The following LRRC8C variants were observed in gnomAD, a reference collection of about 807,000 sequenced individuals.
LRRC8C encodes volume-regulated anion channel subunit LRRC8C.
LRRC8C carries 20 observed loss-of-function variants against 55.3 expected under a neutral mutation model. The observed-to-expected ratio is 0.36, with a 90% CI of 0.25 to 0.53. The LOEUF (loss-of-function observed/expected upper bound fraction) is 0.53. LRRC8C is among the 20% of genes least tolerant of loss of function. The pLI, the probability that LRRC8C is intolerant of heterozygous loss-of-function variation, is 0.92. For synonymous variants in LRRC8C, 376 were observed against 360.7 expected, an observed-to-expected ratio of 1.04 and a Z score of -0.48; for missense variants, 659 against 951.4, an observed-to-expected ratio of 0.69 and a Z score of 4.04.
At chr1:89,628,749 CT>C (rs2101160780), upstream of LRRC8C, among the ~76,000 whole-genome samples, 1 of 152,310 alleles carries the variant, frequency 6.6e-6, no homozygotes, top group Admixed American at 6.5e-5. Context: ...GTCTTAATTT[CT>C]TTATGGCCAG....
chr1:89,648,866 A>T (rs1350895827), intron 1 of LRRC8C, among the ~76,000 whole-genome samples: 2 of 152,186 alleles, frequency 1.3e-5, no homozygotes, highest in Non-Finnish European at 2.9e-5. Flanking sequence ...AACTTCTTTC[A>T]CTTAGCATAT....
Position 89,707,934 on chromosome 1 carries a change from C to T in LRRC8C, c.139-4775C>T, listed in dbSNP as rs141435477. Among the ~76,000 whole-genome samples, 276 of 152,118 alleles carry T rather than the reference C, an allele frequency of 1.8e-3. 5 individuals carry two copies. Among genetic ancestry groups the T allele is most frequent in the African/African-American group, 6.2e-3 (257 of 41,426 alleles). ...CTCAGTGTCTCATTCTTCTGTGTCC[C>T]TCTCCTCCTCCTTCACTTAGACATT... On this transcript the variant is annotated intron_variant, in intron 2 of 2. Coordinates refer to ENST00000370454, the MANE Select transcript of LRRC8C (RefSeq NM_032270.5).
intron 1 of LRRC8C, among the ~76,000 whole-genome samples, chr1:89,685,575 C>A (rs1657856079): frequency 6.6e-6 from 1 of 152,064 alleles, no homozygotes; most frequent in South Asian, 2.1e-4. Flanking sequence ...TTTCTCCTCA[C>A]AGTAGCAGGA....
chr1:89,621,795 G>C, the LRRC8C span, among the ~76,000 whole-genome samples: 1 of 152,146 alleles, frequency 6.6e-6, no homozygotes, highest in African/African-American at 2.4e-5. Flanking sequence ...ATTTGTTTTA[G>C]GTTACTAAAT....
chr1:89,654,021 G>A (rs551893442), intron 1 of LRRC8C, among the ~76,000 whole-genome samples: 4 of 152,174 alleles, frequency 2.6e-5, no homozygotes, highest in East Asian at 1.9e-4. Context: ...AGAAAATGTG[G>A]TATATATACA....
At chr1:89,661,842 G>T (rs1423507942) in intron 1 of LRRC8C, among the ~76,000 whole-genome samples, 1 of 151,968 alleles carries the variant, frequency 6.6e-6, no homozygotes, top group Non-Finnish European at 1.5e-5. Flanking sequence ...TGGCTTTGCA[G>T]TATTATCTAA....
At chr1:89,631,628 T>G (rs1009180442), upstream of LRRC8C, 6 of 152,166 alleles carry the variant, frequency 3.9e-5, no homozygotes, top group African/African-American at 1.2e-4. Flanking sequence ...CTGCTAAAGT[T>G]AGCCTTTGCC....
the LRRC8C span, among the ~76,000 whole-genome samples, chr1:89,620,887 C>A: frequency 8.5e-5 from 13 of 152,206 alleles, no homozygotes; most frequent in Non-Finnish European, 1.6e-4. Flanking sequence ...AAAAGTTTTT[C>A]AGCAAAGACC....
intron 1 of LRRC8C, among the ~76,000 whole-genome samples, chr1:89,664,935 C>T (rs1657217133): frequency 6.6e-6 from 1 of 152,092 alleles, no homozygotes; most frequent in Non-Finnish European, 1.5e-5. Context: ...CATGATTTGG[C>T]TGTTTGTCTA....
chr1:89,704,871 C>T (rs1169516674), intron 2 of LRRC8C, among the ~76,000 whole-genome samples: 1 of 152,010 alleles, frequency 6.6e-6, no homozygotes, highest in Non-Finnish European at 1.5e-5. Flanking sequence ...GTGGCGATTC[C>T]TCAGGGATCT....
chr1:89,693,527 T>C (rs541534377), intron 2 of LRRC8C, among the ~76,000 whole-genome samples: 130 of 152,226 alleles, frequency 8.5e-4, no homozygotes, highest in African/African-American at 3.1e-3. Context: ...GCCCAGAAAT[T>C]CTTACTTAGA....
intron 1 of LRRC8C, among the ~76,000 whole-genome samples, chr1:89,650,256 T>G (rs1315390378): frequency 6.6e-6 from 1 of 152,172 alleles, no homozygotes; most frequent in African/African-American, 2.4e-5. Context: ...ACATGACTCT[T>G]AAATATAGAA....
chr1:89,657,523 A>G (rs1203397694), intron 1 of LRRC8C, among the ~76,000 whole-genome samples: 2 of 151,990 alleles, frequency 1.3e-5, no homozygotes, highest in African/African-American at 2.4e-5. Context: ...CAGGCAGATC[A>G]TGAGGTCAGG....
intron 1 of LRRC8C, among the ~76,000 whole-genome samples, chr1:89,672,852 T>TTTTAGAAACCTAAATG (rs1657459300): frequency 6.6e-6 from 1 of 152,130 alleles, no homozygotes; most frequent in Non-Finnish European, 1.5e-5. Flanking sequence ...TTACCTAATG[T>TTTTAGAAACCTAAATG]TTTAGGTTTC....
chr1:89,654,956 C>G (rs1387808580), intron 1 of LRRC8C, among the ~76,000 whole-genome samples: 1 of 145,758 alleles, frequency 6.9e-6, no homozygotes, highest in Non-Finnish European at 1.5e-5. Context: ...GATCCTCCTT[C>G]TTCAGCCTCT....
intron 1 of LRRC8C, among the ~76,000 whole-genome samples, chr1:89,677,271 A>G (rs1001853446): frequency 6.6e-6 from 1 of 152,212 alleles, no homozygotes; most frequent in East Asian, 1.9e-4. Flanking sequence ...TGAACATACA[A>G]TATCATGGAG....
In LRRC8C at chr1:89,713,940, T is replaced by C. The variant is rs1273545660; in HGVS notation, c.1370T>C (p.Val457Ala). 3 of 1,613,820 alleles carry C rather than the reference T, an allele frequency of 1.9e-6. No homozygotes were observed. In the African/African-American group the frequency reaches 4.0e-5, roughly 22 times the overall value. Residue 457 changes from valine (V) to alanine (A), a missense_variant, in exon 3 of 3, where the codon GTA (valine) becomes GCA (alanine). Coordinates refer to ENST00000370454, the MANE Select transcript of LRRC8C (RefSeq NM_032270.5). The surrounding 1 kb of genome is among the most constrained non-coding windows in gnomAD (Gnocchi z 5.2). ...QSLKLEIIKN[V>A]MIPATIAQLD... ...CTAAAACTTGAAATCATTAAGAACG[T>C]AATGATACCAGCCACCATTGCACAG...
chr1:89,618,360 C>A, the LRRC8C span, among the ~76,000 whole-genome samples: 1 of 152,194 alleles, frequency 6.6e-6, no homozygotes, highest in East Asian at 1.9e-4. Flanking sequence ...GATTTACAAA[C>A]CATGCAGGAT....
At chr1:89,642,889 G>A (rs983711988) in intron 1 of LRRC8C, among the ~76,000 whole-genome samples, 2 of 150,688 alleles carry the variant, frequency 1.3e-5, no homozygotes, top group African/African-American at 4.9e-5. Context: ...GTGTTGGTGC[G>A]CACCTGTAAT....
Sources: gnomAD v4.1 joint callset for allele counts (sites outside exome capture counted in the v4.1 genomes callset) on GRCh38, gnomAD v4.1.1 for gene constraint, Gnocchi (gnomAD v3.1) non-coding constraint, MANE v1.5 for transcripts, NCBI Gene and HGNC (gene_info 2026-07-23, HGNC 2026-07-21) for gene names.